Variants in ZNF613 observed in about 807,000 individuals in gnomAD.
ZNF613 encodes zinc finger protein 613.
A neutral mutation model predicts 14.3 loss-of-function variants in ZNF613; 8 were observed. The observed-to-expected ratio is 0.56, with a 90% CI of 0.33 to 1.01. The LOEUF is 1.01. Among genes scored for constraint, ZNF613 ranks in the 50% least tolerant of loss-of-function variants. The probability of loss-of-function intolerance (pLI) is 0.03; values close to 1 mark genes in which losing one functional copy is unlikely to be tolerated. For missense variants in ZNF613, 656 were observed against 741.9 expected, an observed-to-expected ratio of 0.88 and a Z score of 1.35; for synonymous variants, 228 against 254.5, an observed-to-expected ratio of 0.90 and a Z score of 0.99.
chr19:51,933,407 T>C (rs1239372008), intron 2 of ZNF613, among the ~76,000 whole-genome samples: 2 of 152,214 alleles, frequency 1.3e-5, no homozygotes, highest in African/African-American at 2.4e-5. Flanking sequence ...GCCTGTTGCA[T>C]AGGTCCTTCA....
At chr19:51,932,129 C>A (rs1294579081) in intron 2 of ZNF613, among the ~76,000 whole-genome samples, 1 of 151,922 alleles carries the variant, frequency 6.6e-6, no homozygotes, top group African/African-American at 2.4e-5. Flanking sequence ...CCATAGATAG[C>A]CTCCAGGAGC....
chr19:51,940,381 G>A, intron 4 of ZNF613, 46 bp downstream of exon 4: 2 of 1,612,710 alleles, frequency 1.2e-6, no homozygotes, highest in Non-Finnish European at 1.7e-6. Context: ...CCAGTCAAAG[G>A]CCTTTGCTTT....
chr19:51,930,593 T>A (rs1312145242), intron 2 of ZNF613, among the ~76,000 whole-genome samples: 1 of 152,238 alleles, frequency 6.6e-6, no homozygotes, highest in Non-Finnish European at 1.5e-5. Flanking sequence ...GGTTTGTCTG[T>A]GTCGTAGCAT....
At chr19:51,934,171 AC>A (rs748544683) in intron 2 of ZNF613, among the ~76,000 whole-genome samples, 12 of 151,968 alleles carry the variant, frequency 7.9e-5, no homozygotes, top group Non-Finnish European at 1.3e-4. Context: ...CAGAGTTCTG[AC>A]CAAGTTTTTG....
At chr19:51,941,681 C>G (rs533345661) in intron 5 of ZNF613, among the ~76,000 whole-genome samples, 47 of 152,288 alleles carry the variant, frequency 3.1e-4, no homozygotes, top group African/African-American at 1.1e-3. Flanking sequence ...TATGGAGATT[C>G]TCAGATTGAC....
Position 51,940,684 on chromosome 19 carries a change from T to A in ZNF613, c.210T>A (p.Asn70Lys). The change falls in exon 5 of 6, where the codon AAT (asparagine) becomes AAA (lysine). Residue 70 changes from asparagine (N) to lysine (K), a missense_variant. By Grantham distance (94) the Asn-to-Lys change is moderately conservative. Transcript: ENST00000293471. ...LEQGEPWTVE[N>K]EIHSQICPEI... The stretch of plus-strand genomic sequence containing the variant: ...AAGGAGAGCCATGGACAGTAGAAAA[T>A]GAAATCCACAGCCAAATCTGTCCAG... 1 of 1,613,022 alleles carries A rather than the reference T, an allele frequency of 6.2e-7. No individual in the cohort carries two copies. Among genetic ancestry groups the A allele is most frequent in the South Asian group, 1.1e-5 (1 of 91,018 alleles).
Position 51,945,462 on chromosome 19 carries a change from C to T in ZNF613, c.1579C>T (p.Leu527Phe), listed in dbSNP as rs771635077. 1.9e-6 allele frequency: 3 copies of T among 1,614,132 alleles called. No individual in the cohort carries two copies. Among genetic ancestry groups the T allele is most frequent in the South Asian group, 1.1e-5 (1 of 91,086 alleles). ...GAAAGCTTTCTCCCACTTGTCATGC[C>T]TTGTTTATCATAAGGGAATGCTGCA... is the stretch of plus-strand genomic sequence containing the variant. ...CGKAFSHLSC[L>F]VYHKGMLHAR... is the part of the protein sequence containing the mutation. The change falls in exon 6 of 6, where the codon CTT becomes TTT. Residue 527 changes from leucine (L) to phenylalanine (F), a missense_variant. Physicochemically the swap from Leu to Phe is conservative, Grantham distance 22 (BLOSUM62 0). Coordinates refer to ENST00000293471, the MANE Select transcript of ZNF613 (RefSeq NM_001031721.4).
chr19:51,945,077 A>C lies in ZNF613; in HGVS notation c.1194A>C (p.Lys398Asn). ...ATCAGCGAATTCATACTGGAGAAAA[A>C]CCCTATATATGCAATGAATGTGGAA... ...IVHQRIHTGE[K>N]PYICNECGKG... The change falls in exon 6 of 6, where the codon AAA becomes AAC. Residue 398 changes from lysine to asparagine, a missense_variant. Lys to Asn is a moderately conservative substitution (Grantham distance 94). Coordinates refer to ENST00000293471, the MANE Select transcript of ZNF613 (RefSeq NM_001031721.4). 1.2e-6 allele frequency: 2 copies of C among 1,614,124 alleles called. No individual in the cohort carries two copies. Among genetic ancestry groups the C allele is most frequent in the Non-Finnish European group, 1.7e-6 (2 of 1,180,012 alleles).
Position 51,946,566 on chromosome 19 carries a change from T to C in ZNF613, c.*829T>C, listed in dbSNP as rs1019655023. On this transcript the variant is annotated 3_prime_UTR_variant, in exon 6 of 6. Coordinates refer to ENST00000293471, the MANE Select transcript of ZNF613 (RefSeq NM_001031721.4). ...TAATGTAACACAACAAGTTTGGATGTGTTTAACTTTATAAATAATCACCCC... is the reference window on the plus strand; with the variant it reads ...TAATGTAACACAACAAGTTTGGATGCGTTTAACTTTATAAATAATCACCCC... 2 of 148,238 alleles carry C rather than the reference T, an allele frequency of 1.3e-5. No homozygotes were observed. Among genetic ancestry groups the C allele is most frequent in the African/African-American group, 5.2e-5 (2 of 38,614 alleles). The allele number at this position is 148,238 out of a possible 1,614,324, so 9.2% of individuals were successfully genotyped here. A position where few individuals can be genotyped will look rare whatever the true frequency, so the allele number is the denominator to read the frequency against.
chr19:51,935,700 C>T (rs2085300728), intron 2 of ZNF613, among the ~76,000 whole-genome samples: 1 of 152,166 alleles, frequency 6.6e-6, no homozygotes. Context: ...TCCTCACCTT[C>T]TCTGTCCTTT....
chr19:51,933,024 G>A (rs1394653299), intron 2 of ZNF613, among the ~76,000 whole-genome samples: 1 of 152,162 alleles, frequency 6.6e-6, no homozygotes, highest in Non-Finnish European at 1.5e-5. Context: ...GTTGTGGATT[G>A]TGTGCTGGGC....
At chr19:51,932,110 T>TAGATGTCCCCATAGATAGCCTCC (rs1033566871) in intron 2 of ZNF613, among the ~76,000 whole-genome samples, 1 of 152,002 alleles carries the variant, frequency 6.6e-6, no homozygotes, top group African/African-American at 2.4e-5. Context: ...CAATAGCCTC[T>TAGATGTCCCCATAGATAGCCTCC]AGATGTCCCC....
intron 2 of ZNF613, among the ~76,000 whole-genome samples, chr19:51,934,800 A>G (rs1405824351): frequency 6.6e-6 from 1 of 152,188 alleles, no homozygotes; most frequent in Non-Finnish European, 1.5e-5. Context: ...TGGGAAAGGA[A>G]GCCTTGCTGT....
chr19:51,945,497 G>A lies in ZNF613; in HGVS notation c.1614G>A (p.Glu538=), dbSNP rs367922893. The A allele has an allele frequency of 2.7e-5, 43 of 1,614,078 alleles. No individual in the cohort carries two copies. In the African/African-American group the frequency reaches 4.9e-4, roughly 19 times the overall value. ...VYHKGMLHAR[E]KCVGSVKLEN... Reference sequence around the variant, plus strand: ...ATAAGGGAATGCTGCATGCAAGAGAGAAATGTGTAGGTTCAGTCAAATTGG... The same window carrying A: ...ATAAGGGAATGCTGCATGCAAGAGAAAAATGTGTAGGTTCAGTCAAATTGG... Residue 538 remains glutamate, a synonymous_variant, in exon 6 of 6, where the codon GAG becomes GAA. Transcript: ENST00000293471.
At chr19:51,942,056 T>C (rs959758424) in intron 5 of ZNF613, among the ~76,000 whole-genome samples, 1 of 152,240 alleles carries the variant, frequency 6.6e-6, no homozygotes, top group Admixed American at 6.5e-5. Flanking sequence ...TCATATAAGA[T>C]GGAAATTTCT....
In ZNF613 at chr19:51,929,768, A is replaced by C. The variant is rs1599901095; in HGVS notation, c.-322A>C. 6.6e-6 allele frequency: 1 copy of C among 151,832 alleles called. No individual in the cohort carries two copies. The highest frequency in any genetic ancestry group is 6.6e-5 in the Admixed American group (1 of 15,246). 9.4% of individuals were successfully genotyped at this position (151,832 alleles called of 1,614,324 possible). A position where few individuals can be genotyped will look rare whatever the true frequency, so the allele number is the denominator to read the frequency against. ...CACTATGTTGCCCAGGCTGATCTTG[A>C]ACTCCTGACCTCAAGTGATCCTCTC... is the stretch of plus-strand genomic sequence containing the variant. On this transcript the variant is annotated 5_prime_UTR_variant, in exon 2 of 6. Transcript: ENST00000293471.
Position 51,936,781 on chromosome 19 carries a change from G to A in ZNF613, c.15+546G>A, listed in dbSNP as rs114361749. On this transcript the variant is annotated intron_variant, in intron 3 of 5. Transcript: ENST00000293471. ...ACTACAGTTGTGAGCCACTATGCCT[G>A]GTCCTCTTTTTTTGTAGTGAAACTA... Among the ~76,000 whole-genome samples the A allele has an allele frequency of 7.5e-3, 1,138 of 152,240 alleles. 14 individuals carry two copies. The highest frequency in any genetic ancestry group is 0.026 in the African/African-American group (1,096 of 41,532).
intron 2 of ZNF613, among the ~76,000 whole-genome samples, chr19:51,931,453 T>C (rs17835435): frequency 0.17 from 25,814 of 152,136 alleles, 2,347 homozygotes; most frequent in South Asian, 0.26. Context: ...TTATTTCCTC[T>C]TCTCTAATAT....
intron 3 of ZNF613, among the ~76,000 whole-genome samples, chr19:51,939,721 T>A (rs1397047072): frequency 6.6e-6 from 1 of 152,028 alleles, no homozygotes; most frequent in Non-Finnish European, 1.5e-5. Flanking sequence ...TTGGAAAGAG[T>A]CTTTTACTCC....
Sources: allele counts gnomAD v4.1 joint callset (sites outside exome capture counted in the v4.1 genomes callset), GRCh38; gene constraint gnomAD v4.1.1; transcripts MANE v1.5; gene names NCBI Gene and HGNC (gene_info 2026-07-23, HGNC 2026-07-21).